Variants in ENTPD3 observed in about 807,000 individuals in gnomAD.
ENTPD3 encodes CD39 antigen-like 3.
ENTPD3 carries 60 observed loss-of-function variants against 51.2 expected under a neutral mutation model. The observed-to-expected ratio is 1.17, with a 90% CI of 0.95 to 1.45. ENTPD3 has a LOEUF of 1.45. Ranked by LOEUF, ENTPD3 falls within the 40% of genes most tolerant of loss-of-function variation. The probability of loss-of-function intolerance (pLI) is 0.00; values close to 1 mark genes in which losing one functional copy is unlikely to be tolerated. For synonymous variants in ENTPD3, 221 were observed against 238.4 expected, an observed-to-expected ratio of 0.93 and a Z score of 0.67; for missense variants, 593 against 641.1, an observed-to-expected ratio of 0.93 and a Z score of 0.81.
chr3:40,419,816 A>T (rs1955823667), intron 7 of ENTPD3, among the ~76,000 whole-genome samples: 1 of 152,096 alleles, frequency 6.6e-6, no homozygotes, highest in Non-Finnish European at 1.5e-5. Context: ...AACCAGTTTT[A>T]CTCTAAGATC....
intron 6 of ENTPD3, 147 bp downstream of exon 6, chr3:40,414,987 A>T: frequency 2.5e-6 from 2 of 806,644 alleles, no homozygotes; most frequent in Non-Finnish European, 4.0e-6. Context: ...CCTATGAGAC[A>T]ATAGCTAAGA....
intron 6 of ENTPD3, 79 bp downstream of exon 6, chr3:40,414,919 A>C: frequency 6.9e-7 from 1 of 1,447,642 alleles, no homozygotes; most frequent in Non-Finnish European, 9.6e-7. Context: ...GTAGAGGTAC[A>C]TGCCATCAGG....
chr3:40,401,629 T>C (rs1955359635), intron 4 of ENTPD3, among the ~76,000 whole-genome samples: 1 of 152,230 alleles, frequency 6.6e-6, no homozygotes, highest in African/African-American at 2.4e-5. Context: ...AATGACAATA[T>C]GTAAACAAAT....
rs1328702935 is a variant in ENTPD3, at chr3:40,401,026, G to C, written c.286+15G>C. On this transcript the variant is annotated intron_variant, in intron 4 of 10. Coordinates refer to ENST00000301825, the MANE Select transcript of ENTPD3 (RefSeq NM_001248.4). ...TAGTGTGAAAGGTAAGGACTGAAGT[G>C]TGTCTGGGAGTCACAATGGGCAGCA... The C allele has an allele frequency of 6.3e-7, 1 of 1,584,736 alleles. No individual in the cohort carries two copies. The highest frequency in any genetic ancestry group is 8.7e-7 in the Non-Finnish European group (1 of 1,153,276).
Position 40,422,843 on chromosome 3 carries a change from C to G in ENTPD3, c.832-7C>G. On this transcript the variant is annotated splice_polypyrimidine_tract_variant and splice_region_variant and intron_variant, in intron 7 of 10. Transcript: ENST00000301825. ...ACGTGTCTAACACCTTACTCTTATACCTACAGAATTCTCCTACCAAAAACC... is the reference window on the plus strand; with the variant it reads ...ACGTGTCTAACACCTTACTCTTATAGCTACAGAATTCTCCTACCAAAAACC... The G allele has an allele frequency of 6.2e-7, 1 of 1,607,728 alleles. No homozygotes were observed. The highest frequency in any genetic ancestry group is 1.3e-5 in the African/African-American group (1 of 74,944).
chr3:40,420,395 C>T (rs982053541), intron 7 of ENTPD3, among the ~76,000 whole-genome samples: 12 of 151,788 alleles, frequency 7.9e-5, no homozygotes, highest in Admixed American at 2.6e-4. Flanking sequence ...GCCACCATGC[C>T]CAGCTAATTT....
intron 5 of ENTPD3, among the ~76,000 whole-genome samples, chr3:40,412,409 G>C (rs1369847224): frequency 6.6e-5 from 10 of 152,186 alleles, no homozygotes; most frequent in Admixed American, 6.5e-4. Context: ...CCTCAAATCA[G>C]TCAAAGCTTT....
chr3:40,392,247 T>C (rs766321801), intron 3 of ENTPD3, 97 bp downstream of exon 3: 101 of 1,438,990 alleles, frequency 7.0e-5, no homozygotes, highest in Non-Finnish European at 9.4e-5. Context: ...CAGAAAATCC[T>C]TTCCCCCCAT....
intron 4 of ENTPD3, among the ~76,000 whole-genome samples, chr3:40,405,506 A>G (rs997014398): frequency 6.7e-6 from 1 of 148,756 alleles, no homozygotes. Flanking sequence ...CTTCATTTCA[A>G]AAAAAAAAAA....
At position 40,388,032 on chromosome 3, in the gene ENTPD3, T is replaced by C; in HGVS notation, c.-12-14T>C. On this transcript the variant is annotated splice_polypyrimidine_tract_variant and intron_variant, in intron 1 of 10. Coordinates refer to ENST00000301825, the MANE Select transcript of ENTPD3 (RefSeq NM_001248.4). The stretch of plus-strand genomic sequence containing the variant: ...CGGTGGACTTACTGACATCCTGTAT[T>C]CTCTCACCTGCAGCTAGGAGAAAAG... The C allele has an allele frequency of 1.2e-6, 2 of 1,612,560 alleles. No individual in the cohort carries two copies. Among genetic ancestry groups the C allele is most frequent in the Non-Finnish European group, 1.7e-6 (2 of 1,178,630 alleles).
chr3:40,404,901 A>C (rs1232294447), intron 4 of ENTPD3, among the ~76,000 whole-genome samples: 1 of 152,152 alleles, frequency 6.6e-6, no homozygotes, highest in Admixed American at 6.5e-5. Flanking sequence ...GGTTGGTATC[A>C]ACCCCCAGTT....
intron 10 of ENTPD3, chr3:40,425,067 A>C: frequency 3.9e-6 from 1 of 259,720 alleles, no homozygotes; most frequent in South Asian, 7.1e-5. Flanking sequence ...TTCTAAGTTA[A>C]AAGTTCCCTT....
intron 4 of ENTPD3, among the ~76,000 whole-genome samples, chr3:40,402,688 G>A (rs1410763569): frequency 2.6e-5 from 4 of 152,062 alleles, no homozygotes; most frequent in Non-Finnish European, 5.9e-5. Flanking sequence ...TCTTTGCGAT[G>A]TGTCTTGATG....
At chr3:40,421,345 G>T (rs868341673) in intron 7 of ENTPD3, among the ~76,000 whole-genome samples, 3 of 152,146 alleles carry the variant, frequency 2.0e-5, no homozygotes, top group African/African-American at 4.8e-5. Context: ...TTTTACTGTA[G>T]GGGAAGCAGT....
chr3:40,423,211 CCTT>C, intron 8 of ENTPD3, 77 bp from the exon 9 acceptor site: 2 of 1,538,986 alleles, frequency 1.3e-6, no homozygotes, highest in East Asian at 2.3e-5. Context: ...TTGTTAGCCA[CCTT>C]CTTATTCCTC....
At position 40,423,069 on chromosome 3, in the gene ENTPD3, G is replaced by C. The variant is rs1955912325; in HGVS notation, c.1051G>C (p.Glu351Gln). 6.2e-7 allele frequency: 1 copy of C among 1,614,084 alleles called. No homozygotes were observed. Among genetic ancestry groups the C allele is most frequent in the Non-Finnish European group, 8.5e-7 (1 of 1,179,968 alleles). The change falls in exon 8 of 11, where the codon GAA (glutamate) becomes CAA (glutamine). Residue 351 changes from glutamate to glutamine, a missense_variant. By Grantham distance (29) the Glu-to-Gln change is conservative (BLOSUM62 2). Coordinates refer to ENST00000301825, the MANE Select transcript of ENTPD3 (RefSeq NM_001248.4). ...TGACTTCAAAGCTTGCCATGATCAA[G>C]AAACCTGTTCTTTTGATGGGGTTTA... ...IFDFKACHDQ[E>Q]TCSFDGVYQP...
intron 4 of ENTPD3, among the ~76,000 whole-genome samples, chr3:40,403,956 T>C (rs1955433863): frequency 6.6e-6 from 1 of 152,166 alleles, no homozygotes; most frequent in African/African-American, 2.4e-5. Flanking sequence ...GCGGATATTT[T>C]CTGAGTATTG....
At chr3:40,393,484 G>C (rs146070858) in intron 3 of ENTPD3, among the ~76,000 whole-genome samples, 15 of 152,038 alleles carry the variant, frequency 9.9e-5, no homozygotes, top group African/African-American at 3.4e-4. Flanking sequence ...TAAAAGAAAA[G>C]AAACTAATAT....
chr3:40,414,740 C>A lies in ENTPD3; in HGVS notation c.497C>A (p.Ser166Tyr). The change falls in exon 6 of 11, where the codon TCC becomes TAC. Residue 166 changes from serine (S) to tyrosine (Y), a missense_variant. By Grantham distance (144) the Ser-to-Tyr change is moderately radical. Coordinates refer to ENST00000301825, the MANE Select transcript of ENTPD3 (RefSeq NM_001248.4). ...VLESIQSYFKSQPFDFRGAQI... is the reference protein window; with the variant it reads ...VLESIQSYFKYQPFDFRGAQI... ...GAAAGCATCCAAAGCTACTTCAAGT[C>A]CCAGCCCTTTGACTTTAGGGGTGCT... is the stretch of plus-strand genomic sequence containing the variant. The A allele has an allele frequency of 1.2e-6, 2 of 1,614,080 alleles. No individual in the cohort carries two copies. The highest frequency in any genetic ancestry group is 1.7e-6 in the Non-Finnish European group (2 of 1,179,980).
Sources: allele counts gnomAD v4.1 joint callset (sites outside exome capture counted in the v4.1 genomes callset), GRCh38; gene constraint gnomAD v4.1.1; transcripts MANE v1.5; gene names NCBI Gene and HGNC (gene_info 2026-07-23, HGNC 2026-07-21).